AFF3: variants seen among roughly 807,000 people sequenced by gnomAD.
AFF3 encodes the protein ALF transcription elongation factor 3.
A neutral mutation model predicts 129.7 loss-of-function variants in AFF3; 32 were observed. The ratio of observed to expected loss-of-function variants is 0.25; its 90% CI spans 0.19 to 0.33. AFF3 has a LOEUF of 0.33. Among genes scored for constraint, AFF3 ranks in the 10% least tolerant of loss-of-function variants. The probability of loss-of-function intolerance (pLI) is 1.00; values close to 1 mark genes in which losing one functional copy is unlikely to be tolerated. For missense variants in AFF3, 1,373 were observed against 1,592.0 expected (o/e 0.86, Z 2.34); for synonymous variants, 644 against 635.4 (o/e 1.01, Z -0.20).
In AFF3 at chr2:99,846,409, C is replaced by T. The variant is rs536158547; in HGVS notation, c.874-8885G>A. Among the ~76,000 whole-genome samples, 7 of 152,360 alleles carry T rather than the reference C, an allele frequency of 4.6e-5. No homozygotes were observed. The South Asian group carries it at 1.4e-3, about 32-fold the overall frequency. On this transcript the variant is annotated intron_variant, in intron 7 of 24. Coordinates refer to ENST00000672756, the MANE Select transcript of AFF3 (RefSeq NM_001386135.1). ...CCTCCCAAAGTGCTGGGATTATAGGCGTGAGCCACTGCGCCTGGCCGAACA... is the reference window on the plus strand; with the variant it reads ...CCTCCCAAAGTGCTGGGATTATAGGTGTGAGCCACTGCGCCTGGCCGAACA...
intron 11 of AFF3, among the ~76,000 whole-genome samples, chr2:99,704,249 G>T (rs1677149898): frequency 6.6e-6 from 1 of 151,916 alleles, no homozygotes; most frequent in Admixed American, 6.6e-5. Context: ...CTCAGCTTTG[G>T]GCTTTTACCA....
Position 99,993,792 on chromosome 2 carries a change from C to CTTTTTTTT in AFF3, c.873+12832_873+12839dup, listed in dbSNP as rs751882272. On this transcript the variant is annotated intron_variant, in intron 7 of 24. Coordinates refer to ENST00000672756, the MANE Select transcript of AFF3 (RefSeq NM_001386135.1). ...CAAGTAATGTGTACAAACACTTTATCTTTTTTTTTTTTTTTTTTTTTTTTT... is the reference window on the plus strand; with the variant it reads ...CAAGTAATGTGTACAAACACTTTATCTTTTTTTTTTTTTTTTTTTTTTTTTTTTTTTTT... Among the ~76,000 whole-genome samples the CTTTTTTTT allele has an allele frequency of 2.8e-4, 20 of 72,548 alleles. 2 individuals are homozygous for CTTTTTTTT. Among genetic ancestry groups the CTTTTTTTT allele is most frequent in the African/African-American group, 7.4e-4 (12 of 16,112 alleles). 47.6% of individuals were successfully genotyped at this position (72,548 alleles called of 152,430 possible).
chr2:99,610,738 T>C (rs748654926), intron 13 of AFF3, among the ~76,000 whole-genome samples: 3 of 152,226 alleles, frequency 2.0e-5, no homozygotes, highest in African/African-American at 4.8e-5. Context: ...TCTTCAGAAT[T>C]GGACTCTGAT....
At chr2:99,963,573 TATC>T (rs997134010) in intron 7 of AFF3, among the ~76,000 whole-genome samples, 13 of 152,094 alleles carry the variant, frequency 8.5e-5, no homozygotes, top group African/African-American at 3.1e-4. Flanking sequence ...TTATGTGTAT[TATC>T]ATACCTAGAG....
intron 7 of AFF3, among the ~76,000 whole-genome samples, chr2:99,852,583 G>A (rs1690228077): frequency 6.6e-6 from 1 of 152,194 alleles, no homozygotes; most frequent in Non-Finnish European, 1.5e-5. Context: ...CACCAATGCT[G>A]TGCCAGTACC....
intron 7 of AFF3, among the ~76,000 whole-genome samples, chr2:99,950,592 T>A (rs1451351120): frequency 6.6e-6 from 1 of 152,202 alleles, no homozygotes; most frequent in African/African-American, 2.4e-5. Context: ...ATTTTTCTTC[T>A]CTTTCACTAA....
At chr2:100,050,014 C>T (rs1168725599) in intron 4 of AFF3, among the ~76,000 whole-genome samples, 1 of 152,084 alleles carries the variant, frequency 6.6e-6, no homozygotes, top group Non-Finnish European at 1.5e-5. Context: ...GAGTTCAAGA[C>T]CAGCCTGGCC....
chr2:99,954,878 C>A (rs1238434955), intron 7 of AFF3, among the ~76,000 whole-genome samples: 2 of 150,274 alleles, frequency 1.3e-5, no homozygotes, highest in Non-Finnish European at 2.9e-5. Flanking sequence ...AACTAACCTG[C>A]GCATTGTGCA....
At chr2:99,623,773 G>A (rs1682285999) in intron 13 of AFF3, among the ~76,000 whole-genome samples, 1 of 152,204 alleles carries the variant, frequency 6.6e-6, no homozygotes, top group African/African-American at 2.4e-5. Context: ...GACCTGGCAT[G>A]CACCCATGCC....
chr2:100,124,366 G>A (rs1692100113), intron 2 of AFF3, among the ~76,000 whole-genome samples: 1 of 152,214 alleles, frequency 6.6e-6, no homozygotes, highest in East Asian at 1.9e-4. Flanking sequence ...TGATGTGTCA[G>A]AGTACCAAGG....
chr2:99,590,103 C>T (rs2104925455), intron 15 of AFF3, among the ~76,000 whole-genome samples: 1 of 152,320 alleles, frequency 6.6e-6, no homozygotes, highest in Admixed American at 6.5e-5. Flanking sequence ...CAGGCATTTC[C>T]CCAACAACCC....
intron 2 of AFF3, among the ~76,000 whole-genome samples, chr2:100,116,059 G>A (rs543145582): frequency 1.3e-5 from 2 of 152,144 alleles, no homozygotes; most frequent in East Asian, 3.9e-4. Context: ...ACACCATCCT[G>A]TTGAACTGGC....
At chr2:99,957,002 G>A (rs1163004206) in intron 7 of AFF3, among the ~76,000 whole-genome samples, 1 of 152,222 alleles carries the variant, frequency 6.6e-6, no homozygotes, top group Non-Finnish European at 1.5e-5. Context: ...AGCTGAGAGT[G>A]GTGCTTAATA....
intron 15 of AFF3, among the ~76,000 whole-genome samples, chr2:99,588,938 G>T (rs1376595814): frequency 2.0e-5 from 3 of 152,326 alleles, no homozygotes; most frequent in South Asian, 4.1e-4. Context: ...GTACAGCCAG[G>T]TGTCAGGCTT....
intron 13 of AFF3, among the ~76,000 whole-genome samples, chr2:99,629,779 C>T (rs1300814291): frequency 1.3e-5 from 2 of 152,154 alleles, no homozygotes; most frequent in African/African-American, 4.8e-5. Context: ...GCTGTGTGCT[C>T]ACATGACCTC....
chr2:99,582,661 T>G (rs1677684332), intron 17 of AFF3, 137 bp downstream of exon 17: 1 of 884,086 alleles, frequency 1.1e-6, no homozygotes, highest in Non-Finnish European at 1.7e-6. Flanking sequence ...CTGTTGGGTC[T>G]TCCTAGAAGC....
intron 7 of AFF3, among the ~76,000 whole-genome samples, 162 bp from the exon 8 acceptor site, chr2:99,837,686 C>T (rs527924183): frequency 6.6e-6 from 1 of 152,208 alleles, no homozygotes; most frequent in Admixed American, 6.5e-5. Flanking sequence ...CTTTCCCTAA[C>T]AGCCGGCTCC....
At chr2:100,018,534 T>G (rs1367616063) in intron 4 of AFF3, among the ~76,000 whole-genome samples, 1 of 152,210 alleles carries the variant, frequency 6.6e-6, no homozygotes, top group Non-Finnish European at 1.5e-5. Flanking sequence ...CTAATGGAAT[T>G]GTTCCATGAT....
At chr2:99,792,152 ACT>A (rs1685239732) in intron 8 of AFF3, among the ~76,000 whole-genome samples, 1 of 152,056 alleles carries the variant, frequency 6.6e-6, no homozygotes, top group African/African-American at 2.4e-5. Context: ...ATTCAGTATG[ACT>A]CTGTAAAACA....
Sources: gnomAD v4.1 joint callset for allele counts (sites outside exome capture counted in the v4.1 genomes callset) on GRCh38, gnomAD v4.1.1 for gene constraint, MANE v1.5 for transcripts, NCBI Gene and HGNC (gene_info 2026-07-23, HGNC 2026-07-21) for gene names.